NUGGC: variants seen among roughly 807,000 people sequenced by gnomAD.
NUGGC encodes nuclear GTPase, germinal center associated.
Under a neutral mutation model 92.6 loss-of-function variants are expected in NUGGC, and 58 were observed. That is an observed-to-expected ratio of 0.63 (90% CI 0.51 to 0.78). NUGGC has a LOEUF of 0.78. Among genes scored for constraint, NUGGC ranks in the 30% least tolerant of loss-of-function variants. The pLI is 0.00. For missense variants in NUGGC, 925 were observed against 964.6 expected (o/e 0.96, Z 0.54); for synonymous variants, 376 against 366.4 (o/e 1.03, Z -0.30).
At chr8:28,061,875 A>G (rs1312491643) in intron 7 of NUGGC, among the ~76,000 whole-genome samples, 1 of 152,180 alleles carries the variant, frequency 6.6e-6, no homozygotes, top group African/African-American at 2.4e-5. Flanking sequence ...CCATCCCACA[A>G]ATAATTATCT....
chr8:28,038,292 C>A (rs1287975983), intron 13 of NUGGC, among the ~76,000 whole-genome samples: 1 of 152,186 alleles, frequency 6.6e-6, no homozygotes, highest in Non-Finnish European at 1.5e-5. Flanking sequence ...TATTATAGTT[C>A]CCCAAATGCT....
chr8:28,023,514 G>A (rs982948460), intron 18 of NUGGC, 52 bp from the exon 19 acceptor site: 17 of 1,561,926 alleles, frequency 1.1e-5, no homozygotes, highest in South Asian at 3.5e-5. Context: ...TTGCAGAAAC[G>A]TCTCCAGAAA....
intron 17 of NUGGC, 21 bp from the exon 18 acceptor site, chr8:28,027,073 G>C (rs1809282601): frequency 6.4e-7 from 1 of 1,573,668 alleles, no homozygotes; most frequent in South Asian, 1.1e-5. Flanking sequence ...AGGACATTCA[G>C]TCTGTTAGGA....
chr8:28,070,158 C>T, intron 3 of NUGGC, 94 bp downstream of exon 3: 1 of 1,473,606 alleles, frequency 6.8e-7, no homozygotes, highest in Non-Finnish European at 9.0e-7. Context: ...ATGTTTCATC[C>T]AGCTTCAGAA....
rs190085638 is a variant in NUGGC at position 28,062,896 on chromosome 8, C to T, written c.921+1626G>A. Reference sequence around the variant, plus strand: ...TGCCAGGGTTTGGTAAAGTTAGTGTCGCAGAAGATACAAAAAAGCATTTCG... The same window carrying T: ...TGCCAGGGTTTGGTAAAGTTAGTGTTGCAGAAGATACAAAAAAGCATTTCG... On this transcript the variant is annotated intron_variant, in intron 7 of 18. Transcript: ENST00000413272. 2.4e-4 allele frequency among the ~76,000 whole-genome samples: 36 copies of T among 152,274 alleles called. 1 individual carries two copies. The East Asian group carries it at 6.4e-3, about 27-fold the overall frequency.
At chr8:28,024,840 G>A (rs1272017207) in intron 18 of NUGGC, among the ~76,000 whole-genome samples, 2 of 152,100 alleles carry the variant, frequency 1.3e-5, no homozygotes, top group East Asian at 1.9e-4. Flanking sequence ...GCTTCCCCGC[G>A]TCCCAGCCCT....
rs367637292 is a variant in NUGGC, at chr8:28,074,388, A to G, written c.23T>C (p.Phe8Ser). The G allele has an allele frequency of 2.4e-5, 39 of 1,613,574 alleles. No homozygotes were observed. Among genetic ancestry groups the G allele is most frequent in the African/African-American group, 5.3e-5 (4 of 74,924 alleles). MAETKDV[F>S]GQEPHPVEDD... is the part of the protein sequence containing the mutation. Reference sequence around the variant, plus strand: ...GTTACCTGGATGCGGTTCCTGGCCAAAAACATCCTTCGTTTCTGCCATTCC... The same window carrying G: ...GTTACCTGGATGCGGTTCCTGGCCAGAAACATCCTTCGTTTCTGCCATTCC... Residue 8 changes from phenylalanine (F) to serine (S), a missense_variant, in exon 2 of 19, where the codon TTT becomes TCT. Transcript: ENST00000413272.
intron 17 of NUGGC, 139 bp downstream of exon 17, chr8:28,029,127 G>T (rs1809345091): frequency 1.3e-6 from 1 of 782,874 alleles, no homozygotes; most frequent in East Asian, 2.7e-5. Flanking sequence ...GAAGACTGCA[G>T]CTCTCAAGTC....
chr8:28,047,482 T>G, intron 11 of NUGGC, 25 bp downstream of exon 11: 5 of 1,376,960 alleles, frequency 3.6e-6, no homozygotes, highest in Non-Finnish European at 5.0e-6. Flanking sequence ...ATTTTAGTGA[T>G]GGAGATTTAA....
chr8:28,026,436 G>C (rs1035709753), intron 18 of NUGGC, among the ~76,000 whole-genome samples: 1 of 152,188 alleles, frequency 6.6e-6, no homozygotes, highest in Non-Finnish European at 1.5e-5. Context: ...CCACAGCTGG[G>C]GCCGCATCCC....
chr8:28,061,401 C>G (rs1369243557), intron 7 of NUGGC, among the ~76,000 whole-genome samples: 1 of 152,214 alleles, frequency 6.6e-6, no homozygotes, highest in Non-Finnish European at 1.5e-5. Flanking sequence ...TTACTCTTGT[C>G]TTACCTCCAC....
At chr8:28,061,606 A>G (rs1034397126) in intron 7 of NUGGC, among the ~76,000 whole-genome samples, 2 of 152,168 alleles carry the variant, frequency 1.3e-5, no homozygotes, top group Non-Finnish European at 2.9e-5. Context: ...TTCAGCTTAC[A>G]ATTTTTCTTT....
intron 10 of NUGGC, among the ~76,000 whole-genome samples, chr8:28,051,898 G>C (rs1810013773): frequency 6.6e-6 from 1 of 151,988 alleles, no homozygotes; most frequent in Non-Finnish European, 1.5e-5. Flanking sequence ...CTCCAGCCTG[G>C]GCAACAGGAG....
At chr8:28,079,269 C>T (rs1228605715) in intron 1 of NUGGC, among the ~76,000 whole-genome samples, 2 of 152,034 alleles carry the variant, frequency 1.3e-5, no homozygotes, top group African/African-American at 2.4e-5. Flanking sequence ...GGGCCGGGTG[C>T]GGTGGCTCTC....
chr8:28,031,112 G>A lies in NUGGC; in HGVS notation c.1908+131C>T, dbSNP rs2305455. 185,191 of 983,260 alleles carry A rather than the reference G, an allele frequency of 0.19. 18,333 individuals carry two copies. The highest frequency in any genetic ancestry group is 0.25 in the East Asian group (10,374 of 41,638). The allele number at this position is 983,260 out of a possible 1,614,324, so 60.9% of individuals were successfully genotyped here. A position where few individuals can be genotyped will look rare whatever the true frequency, so the allele number is the denominator to read the frequency against. ...CCCACTGGGTTCTGTATTTCACAGCGCCTCCTAGGAGGTACTCCCAGACCC... is the reference window on the plus strand; with the variant it reads ...CCCACTGGGTTCTGTATTTCACAGCACCTCCTAGGAGGTACTCCCAGACCC... On this transcript the variant is annotated intron_variant, in intron 15 of 18. Coordinates refer to ENST00000413272, the MANE Select transcript of NUGGC (RefSeq NM_001010906.2).
intron 11 of NUGGC, among the ~76,000 whole-genome samples, chr8:28,046,717 G>C (rs899761012): frequency 1.4e-5 from 2 of 141,248 alleles, no homozygotes; most frequent in African/African-American, 5.3e-5. Flanking sequence ...TTCCACTGTT[G>C]TCACCCAGAC....
Position 28,030,395 on chromosome 8 carries a change from C to A in NUGGC, c.1932G>T (p.Leu644=). Residue 644 remains leucine (L), a synonymous_variant, in exon 16 of 19, where the codon CTG becomes CTT. Coordinates refer to ENST00000413272, the MANE Select transcript of NUGGC (RefSeq NM_001010906.2). The stretch of plus-strand genomic sequence containing the variant: ...TCTTCCTTCTGAGGATGTGGTCCTC[C>A]AGGCCCCCGAGGATGGCACTTATCT... ...IQEISAILGG[L]EDHILRRKRR... is the part of the protein sequence containing the mutation. 6.4e-7 allele frequency: 1 copy of A among 1,574,394 alleles called. No homozygotes were observed.
intron 1 of NUGGC, among the ~76,000 whole-genome samples, chr8:28,077,197 T>C (rs867475283): frequency 3.3e-5 from 5 of 151,904 alleles, no homozygotes; most frequent in African/African-American, 1.2e-4. Context: ...CATCAAAACC[T>C]AGGTGAGCTA....
At chr8:28,042,475 C>T (rs1042976239) in intron 12 of NUGGC, among the ~76,000 whole-genome samples, 41 of 152,206 alleles carry the variant, frequency 2.7e-4, no homozygotes, top group African/African-American at 9.7e-4. Flanking sequence ...GCCCTCTGGG[C>T]CTTGCTGATT....
Sources: allele counts gnomAD v4.1 joint callset (sites outside exome capture counted in the v4.1 genomes callset), GRCh38; gene constraint gnomAD v4.1.1; transcripts MANE v1.5; gene names NCBI Gene and HGNC (gene_info 2026-07-23, HGNC 2026-07-21).